Variants in TMEM132D observed in about 807,000 individuals in gnomAD.
The protein encoded by TMEM132D is transmembrane protein 132D.
In TMEM132D, 21 loss-of-function variants were observed where a neutral mutation model predicts 62.3. That is an observed-to-expected ratio of 0.34 (90% CI 0.24 to 0.49). The LOEUF is 0.49. Among genes scored for constraint, TMEM132D ranks in the 20% least tolerant of loss-of-function variants. TMEM132D has a pLI of 0.99. For synonymous variants in TMEM132D, 621 were observed against 575.6 expected (o/e 1.08, Z -1.13); for missense variants, 1,346 against 1,402.8 (o/e 0.96, Z 0.65).
At chr12:129,104,348 G>A (rs1347346391) in intron 5 of TMEM132D, among the ~76,000 whole-genome samples, 1 of 151,836 alleles carries the variant, frequency 6.6e-6, no homozygotes, top group Admixed American at 6.6e-5. Flanking sequence ...TATGTAGAAA[G>A]CTGAAACTGG....
At chr12:129,349,345 T>G (rs1869792129) in intron 3 of TMEM132D, among the ~76,000 whole-genome samples, 1 of 152,186 alleles carries the variant, frequency 6.6e-6, no homozygotes, top group South Asian at 2.1e-4. Flanking sequence ...ATCATCCATA[T>G]TTAAAAGATG....
At chr12:129,576,442 G>T (rs561980446) in intron 2 of TMEM132D, among the ~76,000 whole-genome samples, 2 of 151,762 alleles carry the variant, frequency 1.3e-5, no homozygotes, top group African/African-American at 2.4e-5. Flanking sequence ...GTGTCTATAA[G>T]TATGTGTATA....
At chr12:129,772,920 T>A (rs759062807) in intron 1 of TMEM132D, among the ~76,000 whole-genome samples, 1 of 152,138 alleles carries the variant, frequency 6.6e-6, no homozygotes, top group Non-Finnish European at 1.5e-5. Flanking sequence ...GGAGAAGACA[T>A]AGATGCTGAC....
At chr12:129,478,795 T>C (rs1874345874) in intron 3 of TMEM132D, among the ~76,000 whole-genome samples, 1 of 152,176 alleles carries the variant, frequency 6.6e-6, no homozygotes, top group Non-Finnish European at 1.5e-5. Context: ...TGACACCTAA[T>C]TTTAGAATCC....
chr12:129,648,922 C>G (rs1170679534), intron 2 of TMEM132D, among the ~76,000 whole-genome samples: 1 of 152,010 alleles, frequency 6.6e-6, no homozygotes, highest in Non-Finnish European at 1.5e-5. Flanking sequence ...GAATGCGGGC[C>G]AAACTGGAGA....
chr12:129,152,152 G>A (rs1270930624), intron 5 of TMEM132D, among the ~76,000 whole-genome samples: 1 of 152,146 alleles, frequency 6.6e-6, no homozygotes, highest in African/African-American at 2.4e-5. Context: ...AAAGTGCTGG[G>A]ATTACAGCAT....
At chr12:129,893,579 T>A (rs968168308) in intron 1 of TMEM132D, among the ~76,000 whole-genome samples, 16 of 152,284 alleles carry the variant, frequency 1.1e-4, no homozygotes, top group African/African-American at 3.8e-4. Flanking sequence ...TGGAGTTTCT[T>A]CAATATTACT....
intron 5 of TMEM132D, among the ~76,000 whole-genome samples, chr12:129,164,465 C>T (rs1470165003): frequency 6.6e-6 from 1 of 152,208 alleles, no homozygotes; most frequent in Non-Finnish European, 1.5e-5. Context: ...CTGACAGTTT[C>T]TTGTAAAGTT....
intron 1 of TMEM132D, among the ~76,000 whole-genome samples, chr12:129,800,918 A>G (rs1871754679): frequency 6.6e-6 from 1 of 152,236 alleles, no homozygotes; most frequent in Admixed American, 6.5e-5. Context: ...ACAAGGGGTC[A>G]GGGAGTTCCC....
intron 4 of TMEM132D, among the ~76,000 whole-genome samples, chr12:129,218,169 T>C (rs1879260356): frequency 6.6e-6 from 1 of 152,224 alleles, no homozygotes. Flanking sequence ...TGAGGGCTTT[T>C]TGTCCAGCTT....
chr12:129,416,341 G>A (rs987510983), intron 3 of TMEM132D, among the ~76,000 whole-genome samples: 1 of 152,176 alleles, frequency 6.6e-6, no homozygotes, highest in African/African-American at 2.4e-5. Flanking sequence ...GTTCACTCAT[G>A]ATTTGGCTCT....
intron 5 of TMEM132D, among the ~76,000 whole-genome samples, chr12:129,185,901 G>A (rs1175506110): frequency 6.6e-6 from 1 of 152,114 alleles, no homozygotes; most frequent in Non-Finnish European, 1.5e-5. Flanking sequence ...ACAATCCAGA[G>A]CCCTGGAAAT....
intron 2 of TMEM132D, chr12:129,698,219 C>T (rs542384409): frequency 2.0e-5 from 3 of 151,902 alleles, no homozygotes; most frequent in African/African-American, 7.3e-5. Context: ...GATCTAGATC[C>T]GATTTCCAGA....
At chr12:129,817,643 G>A (rs1435424428) in intron 1 of TMEM132D, among the ~76,000 whole-genome samples, 13 of 141,736 alleles carry the variant, frequency 9.2e-5, no homozygotes, top group African/African-American at 3.4e-4. Flanking sequence ...AATGTGGGGT[G>A]TGTCTGTAAT....
chr12:129,314,155 T>C (rs1328925699), intron 4 of TMEM132D, among the ~76,000 whole-genome samples: 1 of 152,062 alleles, frequency 6.6e-6, no homozygotes, highest in Non-Finnish European at 1.5e-5. Flanking sequence ...CTGTGGTATG[T>C]CTGCTTTTGG....
At chr12:129,732,370 C>T (rs1285802240) in intron 1 of TMEM132D, among the ~76,000 whole-genome samples, 4 of 152,122 alleles carry the variant, frequency 2.6e-5, no homozygotes, top group Non-Finnish European at 5.9e-5. Context: ...ACCAGAATGA[C>T]TGAAATAGTT....
At chr12:129,325,289 C>T (rs947632203) in intron 4 of TMEM132D, among the ~76,000 whole-genome samples, 2 of 152,088 alleles carry the variant, frequency 1.3e-5, no homozygotes, top group Non-Finnish European at 2.9e-5. Flanking sequence ...AAAGAAATAC[C>T]ATGGAGAAAA....
chr12:129,289,557 A>AG (rs1271091044), intron 4 of TMEM132D, among the ~76,000 whole-genome samples: 2 of 147,490 alleles, frequency 1.4e-5, no homozygotes, highest in Admixed American at 6.9e-5. Context: ...TAAAAAAAAA[A>AG]AAAAAAAGAA....
chr12:129,414,679 C>G (rs1035462848), intron 3 of TMEM132D, among the ~76,000 whole-genome samples: 1 of 152,210 alleles, frequency 6.6e-6, no homozygotes, highest in East Asian at 1.9e-4. Flanking sequence ...GATGTCCTCT[C>G]TTAGCATATT....
Sources: allele counts gnomAD v4.1 joint callset (sites outside exome capture counted in the v4.1 genomes callset), GRCh38; gene constraint gnomAD v4.1.1; transcripts MANE v1.5; gene names NCBI Gene and HGNC (gene_info 2026-07-23, HGNC 2026-07-21).